The following HMGB3 variants were observed in gnomAD, a reference collection of about 807,000 sequenced individuals.
HMGB3 encodes the protein high mobility group protein B3.
In HMGB3, 1 loss-of-function variant was observed where a neutral mutation model predicts 12.9. The ratio of observed to expected loss-of-function variants is 0.08; its 90% CI spans 0.03 to 0.37. The LOEUF (loss-of-function observed/expected upper bound fraction) is 0.37. Ranked by LOEUF, HMGB3 falls within the 10% of genes least tolerant of loss-of-function variation. The pLI is 0.99. For missense variants in HMGB3, 74 were observed against 153.3 expected (o/e 0.48, Z 2.73); for synonymous variants, 61 against 53.9 (o/e 1.13, Z -0.57).
upstream of HMGB3, among the ~76,000 whole-genome samples, chrX:150,981,086 C>T (rs1249185141): frequency 1.8e-5 from 2 of 110,603 alleles, no homozygotes; most frequent in Non-Finnish European, 3.8e-5. Context: ...CCCTCTAGGC[C>T]TTGTGGAGAC....
In HMGB3 at chrX:150,987,995, C is replaced by T. The variant is rs2048072547; in HGVS notation, c.*81C>T. The T allele has an allele frequency of 4.6e-6, 5 of 1,086,670 alleles. No homozygotes were observed. Among genetic ancestry groups the T allele is most frequent in the Middle Eastern group, 3.7e-4 (1 of 2,731 alleles). 89.6% of individuals were successfully genotyped at this position (1,086,670 alleles called of 1,213,427 possible). ...GACACATCTCTTATTTGAGAAGTGTCTGTTGCCCTCATTAGGTTTAATTAC... is the reference window on the plus strand; with the variant it reads ...GACACATCTCTTATTTGAGAAGTGTTTGTTGCCCTCATTAGGTTTAATTAC... On this transcript the variant is annotated 3_prime_UTR_variant, in exon 5 of 5. Coordinates refer to ENST00000325307, the MANE Select transcript of HMGB3 (RefSeq NM_005342.4).
At chrX:150,983,328 C>T, upstream of HMGB3, 1 of 755,715 alleles carries the variant, frequency 1.3e-6, no homozygotes, top group Non-Finnish European at 1.6e-6. Context: ...CTGGGGAGCG[C>T]TGAGCCGCGC....
intron 3 of HMGB3, among the ~76,000 whole-genome samples, chrX:150,986,600 A>G (rs2048055035): frequency 9.0e-6 from 1 of 110,899 alleles, no homozygotes; most frequent in Non-Finnish European, 1.9e-5. Flanking sequence ...AGCACCATAT[A>G]TATATGCGCG....
chrX:150,986,383 G>A (rs1402653791), intron 3 of HMGB3, among the ~76,000 whole-genome samples, 193 bp downstream of exon 3: 1 of 109,838 alleles, frequency 9.1e-6, no homozygotes, highest in Non-Finnish European at 1.9e-5. Flanking sequence ...TGTGGTTAAG[G>A]CTGAAGTGTT....
At position 150,987,788 on chromosome X, in the gene HMGB3, C is replaced by T. The variant is rs2048067896; in HGVS notation, c.477C>T (p.Asp159=). 1 of 1,205,279 alleles carries T rather than the reference C, an allele frequency of 8.3e-7. No homozygotes were observed. Among genetic ancestry groups the T allele is most frequent in the Admixed American group, 2.2e-5 (1 of 45,587 alleles). Residue 159 remains aspartate (D), a synonymous_variant, in exon 5 of 5, where the codon GAC becomes GAT. Coordinates refer to ENST00000325307, the MANE Select transcript of HMGB3 (RefSeq NM_005342.4). ...CCCTGTTCCTCTAGGATGTTGCTGA[C>T]TATAAGTCGAAAGGAAAGTTTGATG... ...LKEKYEKDVA[D]YKSKGKFDGA...
At chrX:150,980,520 G>A, upstream of HMGB3, 1 of 406,508 alleles carries the variant, frequency 2.5e-6, no homozygotes, top group Non-Finnish European at 3.1e-6. Context: ...TTGTAGTTCA[G>A]CTTCAGGCCA....
chrX:150,985,104 C>T (rs1557425201), intron 1 of HMGB3, among the ~76,000 whole-genome samples: 1 of 111,476 alleles, frequency 9.0e-6, no homozygotes, highest in African/African-American at 3.3e-5. Flanking sequence ...CAGATGTCCC[C>T]TACGTATAGT....
upstream of HMGB3, among the ~76,000 whole-genome samples, chrX:150,982,452 C>CA (rs1557425104): frequency 8.9e-6 from 1 of 112,465 alleles, no homozygotes; most frequent in East Asian, 2.8e-4. Flanking sequence ...TTCATTCATT[C>CA]ACTCATTCAT....
intron 1 of HMGB3, chrX:150,983,646 C>T: frequency 1.4e-6 from 1 of 734,028 alleles, no homozygotes; most frequent in African/African-American, 2.3e-5. Flanking sequence ...GGGGTCGGCC[C>T]CCTCGGCGGA....
At chrX:150,983,471 C>A (rs1557425141) in intron 1 of HMGB3, 95 bp downstream of exon 1, 23 of 745,432 alleles carry the variant, frequency 3.1e-5, no homozygotes, top group Non-Finnish European at 3.5e-5. Flanking sequence ...GCACAACTTT[C>A]CGGCCCGCGC....
upstream of HMGB3, among the ~76,000 whole-genome samples, chrX:150,981,950 G>C (rs1183160011): frequency 1.8e-5 from 2 of 111,570 alleles, no homozygotes; most frequent in African/African-American, 6.5e-5. Context: ...AGCAGCATTT[G>C]GAAAATTCAT....
At chrX:150,982,920 T>A (rs1187645233), upstream of HMGB3, among the ~76,000 whole-genome samples, 30 of 112,923 alleles carry the variant, frequency 2.7e-4, 2 homozygotes, top group Non-Finnish European at 5.6e-5. Context: ...GCAGGGGAGC[T>A]GACTGCAGGC....
chrX:150,983,205 C>G (rs1253313593), upstream of HMGB3: 1 of 635,593 alleles, frequency 1.6e-6, no homozygotes, highest in Non-Finnish European at 1.9e-6. Context: ...TGGGCGTCCA[C>G]GCCTGCTTAA....
At chrX:150,985,108 G>A (rs1255964795) in intron 1 of HMGB3, among the ~76,000 whole-genome samples, 1 of 111,491 alleles carries the variant, frequency 9.0e-6, no homozygotes, top group Non-Finnish European at 1.9e-5. Context: ...TGTCCCCTAC[G>A]TATAGTTCTC....
chrX:150,988,147 A>AT lies in HMGB3; in HGVS notation c.*238dup. On this transcript the variant is annotated 3_prime_UTR_variant, in exon 5 of 5. Transcript: ENST00000325307. ...ATCAAAGTTGTACATATTTCCAAAC[A>AT]TTTTTAAAATGAAAAGGCACTCTCG... 5.9e-6 allele frequency: 2 copies of AT among 340,248 alleles called. No homozygotes were observed. Among genetic ancestry groups the AT allele is most frequent in the Non-Finnish European group, 1.0e-5 (2 of 192,924 alleles). 28.0% of individuals were successfully genotyped at this position (340,248 alleles called of 1,213,427 possible). A position where few individuals can be genotyped will look rare whatever the true frequency, so the allele number is the denominator to read the frequency against.
At position 150,985,737 on chromosome X, in the gene HMGB3, T is replaced by A. The variant is rs782795027; in HGVS notation, c.138T>A (p.Ser46=). The change falls in exon 2 of 5, where the codon TCT becomes TCA. Residue 46 remains serine, a synonymous_variant. Transcript: ENST00000325307. ...VNFAEFSKKC[S]ERWKTMSGKE... ...TTGCGGAATTTTCCAAGAAGTGCTC[T>A]GAGAGGTGGAAGGTATTTTTCTTTG... The A allele has an allele frequency of 6.6e-6, 8 of 1,209,724 alleles. No individual in the cohort carries two copies. The Admixed American group carries it at 1.5e-4, about 23-fold the overall frequency.
chrX:150,985,569 A>G (rs1206003640), intron 1 of HMGB3, 26 bp from the exon 2 acceptor site: 1 of 1,146,042 alleles, frequency 8.7e-7, no homozygotes, highest in African/African-American at 1.8e-5. Context: ...TCCTCATTGT[A>G]TTTCTTTGTT....
chrX:150,983,156 C>T (rs2048003532), upstream of HMGB3: 2 of 367,066 alleles, frequency 5.4e-6, no homozygotes, highest in South Asian at 2.6e-4. Flanking sequence ...GCCGGCGGGT[C>T]GTTCTGTTTG....
rs1557425338 is a variant in HMGB3, at chrX:150,989,280, G to A, written c.*1366G>A. 9.0e-6 allele frequency: 1 copy of A among 111,187 alleles called. No individual in the cohort carries two copies. Among genetic ancestry groups the A allele is most frequent in the Admixed American group, 9.6e-5 (1 of 10,395 alleles). 9.2% of individuals were successfully genotyped at this position (111,187 alleles called of 1,213,427 possible). ...CTCCTGGATGCCAGTGAGGGTATGT[G>A]GGATGGGGTGGTGGGGTAGGGGACG... On this transcript the variant is annotated 3_prime_UTR_variant, in exon 5 of 5. Coordinates refer to ENST00000325307, the MANE Select transcript of HMGB3 (RefSeq NM_005342.4).
Sources: gnomAD v4.1 joint callset for allele counts (sites outside exome capture counted in the v4.1 genomes callset) on GRCh38, gnomAD v4.1.1 for gene constraint, MANE v1.5 for transcripts, NCBI Gene and HGNC (gene_info 2026-07-23, HGNC 2026-07-21) for gene names.